SEC11A: variants seen among roughly 807,000 people sequenced by gnomAD.
SEC11A encodes the protein signal peptidase complex catalytic subunit SEC11A.
A neutral mutation model predicts 25.6 loss-of-function variants in SEC11A; 14 were observed. The ratio of observed to expected loss-of-function variants is 0.55; its 90% CI spans 0.36 to 0.85. The LOEUF is 0.85. Ranked by LOEUF, SEC11A falls within the 40% of genes least tolerant of loss-of-function variation. The pLI, the probability that SEC11A is intolerant of heterozygous loss-of-function variation, is 0.01. For missense variants in SEC11A, 153 were observed against 222.9 expected (o/e 0.69, Z 2.00); for synonymous variants, 83 against 76.4 (o/e 1.09, Z -0.45).
intron 1 of SEC11A, among the ~76,000 whole-genome samples, chr15:84,702,463 T>A (rs1897976938): frequency 1.4e-5 from 2 of 145,590 alleles, no homozygotes; most frequent in Admixed American, 6.9e-5. Flanking sequence ...CGAAACTCCG[T>A]CTCAAAAAAA....
chr15:84,714,732 T>C (rs1292381187), intron 1 of SEC11A: 2 of 152,170 alleles, frequency 1.3e-5, no homozygotes, highest in Non-Finnish European at 2.9e-5. Flanking sequence ...GTTACCTACC[T>C]TACAGGTGTA....
rs1896964352 is a variant in SEC11A, at chr15:84,670,826, A to G, written c.432-44T>C. On this transcript the variant is annotated intron_variant, in intron 4 of 5. Transcript: ENST00000268220. ...TGATTATCACAGAATTTCCGATGTAAAGCAGCTGTTGTCACTCACTGAATA... is the reference window on the plus strand; with the variant it reads ...TGATTATCACAGAATTTCCGATGTAGAGCAGCTGTTGTCACTCACTGAATA... The G allele has an allele frequency of 3.2e-6, 3 of 942,198 alleles. No individual in the cohort carries two copies. In the East Asian group the frequency reaches 8.1e-5, roughly 26 times the overall value. 58.4% of individuals were successfully genotyped at this position (942,198 alleles called of 1,614,324 possible). A position where few individuals can be genotyped will look rare whatever the true frequency, so the allele number is the denominator to read the frequency against.
At chr15:84,699,313 C>T in intron 1 of SEC11A, among the ~76,000 whole-genome samples, 1 of 103,946 alleles carries the variant, frequency 9.6e-6, no homozygotes, top group African/African-American at 3.5e-5. Flanking sequence ...AGACTCTTGT[C>T]TCCAAAAAAA....
intron 1 of SEC11A, among the ~76,000 whole-genome samples, chr15:84,694,275 A>G (rs1323478210): frequency 6.6e-6 from 1 of 152,072 alleles, no homozygotes; most frequent in Non-Finnish European, 1.5e-5. Context: ...GAATCACTTG[A>G]ACCCAGGAGG....
At chr15:84,714,953 T>A (rs901679247) in intron 1 of SEC11A, 6 of 152,090 alleles carry the variant, frequency 3.9e-5, no homozygotes, top group African/African-American at 1.4e-4. Flanking sequence ...CAAATATGGA[T>A]TAAAAAAAGA....
rs1896930540 is a variant in SEC11A at position 84,669,732 on chromosome 15, G to A, written c.*287C>T. On this transcript the variant is annotated 3_prime_UTR_variant, in exon 6 of 6. Coordinates refer to ENST00000268220, the MANE Select transcript of SEC11A (RefSeq NM_014300.4). ...TCAAAATACAAACACTGGGGGCTTT[G>A]GCTCAACCTTTTAATATAAAAAAAT... 2.4e-6 allele frequency: 1 copy of A among 413,752 alleles called. No individual in the cohort carries two copies. The highest frequency in any genetic ancestry group is 4.4e-6 in the Non-Finnish European group (1 of 226,226). The allele number at this position is 413,752 out of a possible 1,614,324, so 25.6% of individuals were successfully genotyped here. A position where few individuals can be genotyped will look rare whatever the true frequency, so the allele number is the denominator to read the frequency against.
chr15:84,700,284 G>A (rs1454229798), intron 1 of SEC11A, among the ~76,000 whole-genome samples: 1 of 151,734 alleles, frequency 6.6e-6, no homozygotes, highest in Non-Finnish European at 1.5e-5. Flanking sequence ...AGAAATGGCA[G>A]AAATTATAGG....
In SEC11A at chr15:84,672,459, G is replaced by A. The variant is rs577900120; in HGVS notation, c.432-1677C>T. The A allele has an allele frequency of 5.1e-3, 820 of 162,068 alleles. 10 individuals carry two copies. Among genetic ancestry groups the A allele is most frequent in the African/African-American group, 0.019 (775 of 41,660 alleles). 10.0% of individuals were successfully genotyped at this position (162,068 alleles called of 1,614,324 possible). ...TTTTCGTATTTTTTTGGTGGAGACG[G>A]GGTTTCGCTGTGTTGGCCGGGCTGG... On this transcript the variant is annotated intron_variant, in intron 4 of 5. Transcript: ENST00000268220.
intron 1 of SEC11A, among the ~76,000 whole-genome samples, chr15:84,694,715 C>T (rs544425069): frequency 1.1e-4 from 17 of 152,160 alleles, no homozygotes; most frequent in Admixed American, 3.9e-4. Context: ...GTAATCCCAA[C>T]ACTTTGGGAG....
intron 1 of SEC11A, among the ~76,000 whole-genome samples, chr15:84,700,342 T>A (rs1319895809): frequency 6.6e-6 from 1 of 151,692 alleles, no homozygotes; most frequent in African/African-American, 2.4e-5. Flanking sequence ...ATGCCTGTAA[T>A]CCCAGAACTT....
Position 84,700,984 on chromosome 15 carries a change from C to A in SEC11A, c.52-9340G>T, listed in dbSNP as rs199712801. On this transcript the variant is annotated intron_variant, in intron 1 of 5. Transcript: ENST00000268220. ...GGGCAACAAGAGCGAAACTCCATATCAAAAAAAAAAAAAAAAAAAAAATCC... is the reference window on the plus strand; with the variant it reads ...GGGCAACAAGAGCGAAACTCCATATAAAAAAAAAAAAAAAAAAAAAAATCC... 3.2e-3 allele frequency among the ~76,000 whole-genome samples: 249 copies of A among 77,972 alleles called. 1 individual carries two copies. In the East Asian group the frequency reaches 0.04, roughly 13 times the overall value. 51.2% of individuals were successfully genotyped at this position (77,972 alleles called of 152,430 possible). A position where few individuals can be genotyped will look rare whatever the true frequency, so the allele number is the denominator to read the frequency against.
chr15:84,715,934 C>G, intron 1 of SEC11A, 91 bp downstream of exon 1: 1 of 1,253,598 alleles, frequency 8.0e-7, no homozygotes, highest in Non-Finnish European at 1.1e-6. Flanking sequence ...CTCAGACCCT[C>G]ACACCAGAAC....
intron 1 of SEC11A, among the ~76,000 whole-genome samples, chr15:84,709,769 G>T (rs780644244): frequency 4.0e-5 from 6 of 151,702 alleles, no homozygotes; most frequent in South Asian, 2.1e-4. Context: ...TTGAGACAGG[G>T]TCTCACACTG....
rs202088977 is a variant in SEC11A, at chr15:84,697,454, AG to A, written c.52-5811del. 9.4e-3 allele frequency among the ~76,000 whole-genome samples: 1,428 copies of A among 152,298 alleles called. 26 individuals carry two copies. Among genetic ancestry groups the A allele is most frequent in the African/African-American group, 0.033 (1,379 of 41,550 alleles). ...TCTTCCTCATTTTTATTAGAGAAAGAGGTTAAAGTTCCTGATTATGTATAAC... is the reference window on the plus strand; with the variant it reads ...TCTTCCTCATTTTTATTAGAGAAAGAGTTAAAGTTCCTGATTATGTATAAC... On this transcript the variant is annotated intron_variant, in intron 1 of 5. Transcript: ENST00000268220.
intron 2 of SEC11A, among the ~76,000 whole-genome samples, chr15:84,690,089 G>A (rs926741891): frequency 2.0e-5 from 3 of 152,162 alleles, no homozygotes; most frequent in Non-Finnish European, 4.4e-5. Context: ...GCAACACAGT[G>A]AGATCCTATC....
intron 3 of SEC11A, among the ~76,000 whole-genome samples, chr15:84,683,185 G>A (rs1213110095): frequency 1.3e-5 from 2 of 152,170 alleles, no homozygotes; most frequent in African/African-American, 4.8e-5. Context: ...GGTGCTAGGA[G>A]GGGCTCACTG....
chr15:84,709,559 C>T (rs1265690875), intron 1 of SEC11A, among the ~76,000 whole-genome samples: 1 of 152,060 alleles, frequency 6.6e-6, no homozygotes, highest in Admixed American at 6.6e-5. Flanking sequence ...TCTTCTGCCT[C>T]AGCCTCCCAA....
chr15:84,683,529 T>C (rs556535989), intron 3 of SEC11A, among the ~76,000 whole-genome samples: 7 of 152,290 alleles, frequency 4.6e-5, no homozygotes, highest in Admixed American at 3.9e-4. Flanking sequence ...GAAACAAATA[T>C]TCTCTGGTGG....
At chr15:84,682,065 C>T (rs1472197044) in intron 3 of SEC11A, among the ~76,000 whole-genome samples, 2 of 152,066 alleles carry the variant, frequency 1.3e-5, no homozygotes, top group South Asian at 2.1e-4. Flanking sequence ...TCTTGAATAA[C>T]AAATAATAAT....
Sources: gnomAD v4.1 joint callset for allele counts (sites outside exome capture counted in the v4.1 genomes callset) on GRCh38, gnomAD v4.1.1 for gene constraint, MANE v1.5 for transcripts, NCBI Gene and HGNC (gene_info 2026-07-23, HGNC 2026-07-21) for gene names.